AGTPBP1: variants seen among roughly 807,000 people sequenced by gnomAD.
The protein encoded by AGTPBP1 is cytosolic carboxypeptidase 1.
A neutral mutation model predicts 143.9 loss-of-function variants in AGTPBP1; 70 were observed. The observed-to-expected ratio is 0.49, with a 90% CI of 0.40 to 0.59. The LOEUF (loss-of-function observed/expected upper bound fraction) is 0.59, where lower values mean the gene tolerates loss of function less well. Ranked by LOEUF, AGTPBP1 falls within the 20% of genes least tolerant of loss-of-function variation. The pLI is 0.00. For missense variants in AGTPBP1, 1,229 were observed against 1,464.5 expected (o/e 0.84, Z 2.62); for synonymous variants, 463 against 500.2 (o/e 0.93, Z 0.99).
chr9:85,678,870 G>A (rs1834996118), intron 4 of AGTPBP1, among the ~76,000 whole-genome samples: 1 of 152,046 alleles, frequency 6.6e-6, no homozygotes, highest in East Asian at 1.9e-4. Flanking sequence ...TTGCCCTATA[G>A]GTACTATTTT....
rs1307215942 is a variant in AGTPBP1, at chr9:85,657,466, T to C, written c.878A>G (p.Asn293Ser). 1.6e-5 allele frequency: 26 copies of C among 1,613,704 alleles called. No homozygotes were observed. The highest frequency in any genetic ancestry group is 1.9e-5 in the Non-Finnish European group (22 of 1,179,822). ...AGTATTATACAGAATTTTCATCCCA[T>C]TGGCATCAATAAATGCTTTTCTTCC... Reference protein sequence around the residue: ...KLGRKAFIDANGMKILYNTSQ... With the variant: ...KLGRKAFIDASGMKILYNTSQ... The change falls in exon 10 of 26, where the codon AAT becomes AGT. Residue 293 changes from asparagine (N) to serine (S), a missense_variant. This residue lies in a region of AGTPBP1 where 743 missense variants were observed against 812.2 expected (regional missense o/e 0.91). Coordinates refer to ENST00000357081, the MANE Select transcript of AGTPBP1 (RefSeq NM_001330701.2).
intron 12 of AGTPBP1, 52 bp downstream of exon 12, chr9:85,646,269 A>C: frequency 5.2e-6 from 7 of 1,339,482 alleles, no homozygotes; most frequent in Non-Finnish European, 6.3e-6. Context: ...TTTGTTTTAC[A>C]ACTGTAGTAT....
intron 13 of AGTPBP1, among the ~76,000 whole-genome samples, chr9:85,639,344 CACACACCCAT>C (rs1235769021): frequency 6.9e-5 from 10 of 145,696 alleles, no homozygotes; most frequent in Middle Eastern, 3.7e-3. Flanking sequence ...TGCATACATA[CACACACCCAT>C]GCGCGCGCAC....
chr9:85,575,608 G>A, intron 24 of AGTPBP1, 133 bp from the exon 25 acceptor site: 1 of 630,734 alleles, frequency 1.6e-6, no homozygotes, highest in Non-Finnish European at 2.4e-6. Context: ...TATGGAACTA[G>A]GACTCAACAA....
chr9:85,757,454 GA>G, the AGTPBP1 span, among the ~76,000 whole-genome samples: 3 of 151,904 alleles, frequency 2.0e-5, no homozygotes, highest in East Asian at 5.8e-4. Flanking sequence ...CCATAAAAGG[GA>G]AAAGACAGTA....
At chr9:85,636,200 T>A (rs907109034) in intron 13 of AGTPBP1, among the ~76,000 whole-genome samples, 36 of 151,424 alleles carry the variant, frequency 2.4e-4, no homozygotes, top group African/African-American at 8.7e-4. Flanking sequence ...ATTTAATATG[T>A]TCAAAGAAAT....
At chr9:85,699,807 T>C (rs1836528018) in intron 2 of AGTPBP1, among the ~76,000 whole-genome samples, 1 of 152,200 alleles carries the variant, frequency 6.6e-6, no homozygotes. Flanking sequence ...TTTCTTCTAA[T>C]TTATGTGGAA....
At chr9:85,722,904 T>TA (rs1838225487) in intron 1 of AGTPBP1, among the ~76,000 whole-genome samples, 1 of 152,296 alleles carries the variant, frequency 6.6e-6, no homozygotes, top group Admixed American at 6.5e-5. Flanking sequence ...TCCTTTCTGT[T>TA]AGTTTTCCTT....
At chr9:85,567,553 C>T (rs1827191350) in intron 25 of AGTPBP1, among the ~76,000 whole-genome samples, 2 of 152,082 alleles carry the variant, frequency 1.3e-5, no homozygotes, top group South Asian at 4.1e-4. Context: ...GATCGCGCCA[C>T]TGTACTCAAG....
intron 1 of AGTPBP1, among the ~76,000 whole-genome samples, chr9:85,721,781 T>C (rs1431609497): frequency 6.6e-6 from 1 of 152,220 alleles, no homozygotes. Flanking sequence ...GTCTTTACAA[T>C]TTGGCATGTT....
intron 13 of AGTPBP1, among the ~76,000 whole-genome samples, chr9:85,637,414 C>T (rs903424701): frequency 6.6e-6 from 1 of 152,144 alleles, no homozygotes; most frequent in Non-Finnish European, 1.5e-5. Flanking sequence ...TCTAAAACTT[C>T]AGACATTCCA....
upstream of AGTPBP1, among the ~76,000 whole-genome samples, chr9:85,742,672 G>T (rs1423520579): frequency 6.6e-6 from 1 of 152,170 alleles, no homozygotes; most frequent in African/African-American, 2.4e-5. Context: ...TGCTAAGTTG[G>T]CTACTGAAGG....
At chr9:85,677,813 A>C (rs1194971395) in intron 5 of AGTPBP1, among the ~76,000 whole-genome samples, 1 of 151,966 alleles carries the variant, frequency 6.6e-6, no homozygotes, top group East Asian at 1.9e-4. Context: ...AGACCAGCCT[A>C]TCCAACATGG....
intron 1 of AGTPBP1, among the ~76,000 whole-genome samples, chr9:85,718,352 A>C (rs1385494737): frequency 2.0e-5 from 3 of 152,098 alleles, no homozygotes; most frequent in African/African-American, 7.2e-5. Context: ...CTTTTTAATG[A>C]TCGCTATTCT....
intron 2 of AGTPBP1, among the ~76,000 whole-genome samples, chr9:85,709,428 C>T (rs1837223960): frequency 1.3e-5 from 2 of 152,126 alleles, no homozygotes; most frequent in Admixed American, 1.3e-4. Context: ...TATCCACTGT[C>T]ACCATTTTTT....
intron 1 of AGTPBP1, among the ~76,000 whole-genome samples, chr9:85,734,958 C>T (rs1839142808): frequency 6.6e-6 from 1 of 152,126 alleles, no homozygotes; most frequent in African/African-American, 2.4e-5. Flanking sequence ...ATCACTTGAA[C>T]CCAGAGGCAA....
intron 14 of AGTPBP1, among the ~76,000 whole-genome samples, chr9:85,626,268 C>G (rs532055545): frequency 6.6e-6 from 1 of 152,196 alleles, no homozygotes; most frequent in African/African-American, 2.4e-5. Context: ...AAGTTTTATT[C>G]ATTTTATACT....
At chr9:85,679,340 A>G (rs1179451069) in intron 4 of AGTPBP1, among the ~76,000 whole-genome samples, 1 of 151,952 alleles carries the variant, frequency 6.6e-6, no homozygotes, top group Non-Finnish European at 1.5e-5. Flanking sequence ...CTGAGAACTG[A>G]GCATAGCCTT....
At chr9:85,681,053 T>G (rs1835136794) in intron 4 of AGTPBP1, among the ~76,000 whole-genome samples, 1 of 152,216 alleles carries the variant, frequency 6.6e-6, no homozygotes, top group Non-Finnish European at 1.5e-5. Flanking sequence ...ATTAAAATAT[T>G]TATACCACCA....
Sources: allele counts gnomAD v4.1 joint callset (sites outside exome capture counted in the v4.1 genomes callset), GRCh38; gene constraint gnomAD v4.1.1; regional missense constraint gnomAD v4.1.1; transcripts MANE v1.5; gene names NCBI Gene and HGNC (gene_info 2026-07-23, HGNC 2026-07-21).